The following MYO3B variants were observed in gnomAD, a reference collection of about 807,000 sequenced individuals.
MYO3B encodes myosin IIIB, also known as myosin-IIIb.
In MYO3B, 156 loss-of-function variants were observed where a neutral mutation model predicts 174.6. The observed-to-expected ratio is 0.89, with a 90% CI of 0.78 to 1.02. The LOEUF is 1.02. MYO3B is among the 50% of genes least tolerant of loss of function. The pLI, the probability that MYO3B is intolerant of heterozygous loss-of-function variation, is 0.00. For missense variants in MYO3B, 1,632 were observed against 1,639.4 expected, an observed-to-expected ratio of 1.00 and a Z score of 0.08; for synonymous variants, 563 against 569.1, an observed-to-expected ratio of 0.99 and a Z score of 0.15.
intron 20 of MYO3B, 142 bp downstream of exon 20, chr2:170,404,542 A>G: frequency 1.3e-6 from 1 of 780,966 alleles, no homozygotes; most frequent in Middle Eastern, 2.9e-4. Context: ...TTTTTCATTG[A>G]ATTGAAGTGT....
At chr2:170,278,171 T>A (rs907477418) in intron 7 of MYO3B, among the ~76,000 whole-genome samples, 1 of 152,154 alleles carries the variant, frequency 6.6e-6, no homozygotes, top group African/African-American at 2.4e-5. Flanking sequence ...GGAAACAATA[T>A]GGCGATAGTG....
At chr2:170,376,936 T>C (rs185060299) in intron 9 of MYO3B, among the ~76,000 whole-genome samples, 13 of 152,338 alleles carry the variant, frequency 8.5e-5, no homozygotes, top group Admixed American at 2.0e-4. Flanking sequence ...CACCTTTTTC[T>C]ATTACTTGTT....
At position 170,653,493 on chromosome 2, in the gene MYO3B, T is replaced by C; in HGVS notation, c.*372T>C. 5.3e-6 allele frequency: 1 copy of C among 187,774 alleles called. No individual in the cohort carries two copies. Among genetic ancestry groups the C allele is most frequent in the Non-Finnish European group, 1.1e-5 (1 of 89,928 alleles). 11.6% of individuals were successfully genotyped at this position (187,774 alleles called of 1,614,324 possible). ...ATATTGCTTGATTTTTCCTATCAAGTTACTTTTCAATCCATTCAGAATCTG... is the reference window on the plus strand; with the variant it reads ...ATATTGCTTGATTTTTCCTATCAAGCTACTTTTCAATCCATTCAGAATCTG... On this transcript the variant is annotated 3_prime_UTR_variant, in exon 35 of 35. Transcript: ENST00000408978.
chr2:170,374,970 G>A (rs1036070262), intron 9 of MYO3B, among the ~76,000 whole-genome samples: 1 of 152,028 alleles, frequency 6.6e-6, no homozygotes, highest in African/African-American at 2.4e-5. Context: ...ATTTGATTCA[G>A]GTACAATAGA....
intron 6 of MYO3B, among the ~76,000 whole-genome samples, chr2:170,227,717 G>T (rs950347721): frequency 1.3e-5 from 2 of 152,200 alleles, no homozygotes; most frequent in Non-Finnish European, 2.9e-5. Flanking sequence ...GATACTTGCC[G>T]ATGAAGGGGT....
intron 7 of MYO3B, chr2:170,333,809 C>T (rs923177385): frequency 6.6e-6 from 1 of 152,180 alleles, no homozygotes; most frequent in African/African-American, 2.4e-5. Context: ...ATTCTACCCA[C>T]ATATGGTGCT....
chr2:170,411,508 A>G (rs1379017404), intron 22 of MYO3B, among the ~76,000 whole-genome samples: 1 of 152,228 alleles, frequency 6.6e-6, no homozygotes, highest in Non-Finnish European at 1.5e-5. Flanking sequence ...CAGTACAACT[A>G]TGGTATGATA....
intron 32 of MYO3B, among the ~76,000 whole-genome samples, chr2:170,606,754 C>T (rs1694831348): frequency 6.6e-6 from 1 of 152,176 alleles, no homozygotes; most frequent in Admixed American, 6.5e-5. Flanking sequence ...GGCACGGTGG[C>T]TCACACCTGT....
intron 30 of MYO3B, among the ~76,000 whole-genome samples, chr2:170,540,296 C>G (rs940318682): frequency 8.6e-5 from 13 of 151,980 alleles, no homozygotes; most frequent in African/African-American, 2.9e-4. Context: ...TGCACTCTAG[C>G]CTGGGCAACA....
At chr2:170,504,686 T>A (rs760406651) in intron 28 of MYO3B, among the ~76,000 whole-genome samples, 3 of 152,194 alleles carry the variant, frequency 2.0e-5, no homozygotes, top group Non-Finnish European at 4.4e-5. Context: ...TCTGTGTCCT[T>A]GTTATCGGGC....
At chr2:170,639,599 T>A (rs946855593) in intron 32 of MYO3B, among the ~76,000 whole-genome samples, 1 of 152,196 alleles carries the variant, frequency 6.6e-6, no homozygotes, top group Non-Finnish European at 1.5e-5. Context: ...AGCAAGACAA[T>A]AGCAAACCAT....
At chr2:170,424,848 C>T (rs1441654223) in intron 22 of MYO3B, among the ~76,000 whole-genome samples, 1 of 152,128 alleles carries the variant, frequency 6.6e-6, no homozygotes, top group Non-Finnish European at 1.5e-5. Flanking sequence ...GAAAACATAG[C>T]AGCTTTGATT....
At chr2:170,425,818 G>A (rs775250750) in intron 22 of MYO3B, among the ~76,000 whole-genome samples, 3 of 152,198 alleles carry the variant, frequency 2.0e-5, no homozygotes, top group Admixed American at 6.5e-5. Flanking sequence ...TTCTCTGAGC[G>A]TTACTACTTA....
At chr2:170,531,916 C>A (rs1689378824) in intron 30 of MYO3B, among the ~76,000 whole-genome samples, 1 of 152,104 alleles carries the variant, frequency 6.6e-6, no homozygotes. Context: ...TTGTTTCAGG[C>A]AATAATTATG....
chr2:170,632,404 G>A (rs1161141904), intron 32 of MYO3B, among the ~76,000 whole-genome samples: 1 of 152,102 alleles, frequency 6.6e-6, no homozygotes, highest in Non-Finnish European at 1.5e-5. Flanking sequence ...AATGAAGGCA[G>A]AAATAAAGAT....
intron 9 of MYO3B, among the ~76,000 whole-genome samples, chr2:170,374,923 A>G (rs2094279727): frequency 6.6e-6 from 1 of 152,126 alleles, no homozygotes. Flanking sequence ...TTGGAATTTA[A>G]GTTTTTCCAG....
At chr2:170,316,974 A>G (rs1355840900) in intron 7 of MYO3B, among the ~76,000 whole-genome samples, 1 of 152,198 alleles carries the variant, frequency 6.6e-6, no homozygotes, top group East Asian at 1.9e-4. Flanking sequence ...AGATGTGGCC[A>G]TTGGATGGAA....
At chr2:170,530,583 C>T (rs570063691) in intron 30 of MYO3B, among the ~76,000 whole-genome samples, 1 of 152,340 alleles carries the variant, frequency 6.6e-6, no homozygotes, top group South Asian at 2.1e-4. Context: ...TAGCTGTTAA[C>T]TACCCAGCGC....
At chr2:170,311,977 T>C (rs752517586) in intron 7 of MYO3B, among the ~76,000 whole-genome samples, 2 of 152,242 alleles carry the variant, frequency 1.3e-5, no homozygotes, top group Non-Finnish European at 2.9e-5. Flanking sequence ...CTTATGCCGG[T>C]AATCACACTA....
Sources: gnomAD v4.1 joint callset for allele counts (sites outside exome capture counted in the v4.1 genomes callset) on GRCh38, gnomAD v4.1.1 for gene constraint, MANE v1.5 for transcripts, NCBI Gene and HGNC (gene_info 2026-07-23, HGNC 2026-07-21) for gene names.